The following NEIL3 variants were observed in gnomAD, a reference collection of about 807,000 sequenced individuals.
The protein encoded by NEIL3 is nei like DNA glycosylase 3, also known as endonuclease 8-like 3.
A neutral mutation model predicts 57.5 loss-of-function variants in NEIL3; 48 were observed. The ratio of observed to expected loss-of-function variants is 0.83; its 90% CI spans 0.66 to 1.06. The LOEUF (loss-of-function observed/expected upper bound fraction) is 1.06. Among genes scored for constraint, NEIL3 ranks in the 50% least tolerant of loss-of-function variants. The pLI, the probability that NEIL3 is intolerant of heterozygous loss-of-function variation, is 0.00. For synonymous variants in NEIL3, 261 were observed against 253.2 expected, an observed-to-expected ratio of 1.03 and a Z score of -0.29; for missense variants, 717 against 739.1, an observed-to-expected ratio of 0.97 and a Z score of 0.35.
chr4:177,364,901 C>A (rs1301582004), downstream of NEIL3, among the ~76,000 whole-genome samples: 6 of 149,644 alleles, frequency 4.0e-5, no homozygotes, highest in Non-Finnish European at 8.9e-5. Flanking sequence ...GCACTCCAGC[C>A]TGGTGACAGA....
intron 1 of NEIL3, among the ~76,000 whole-genome samples, chr4:177,318,604 C>A (rs1455190453): frequency 6.6e-6 from 1 of 152,138 alleles, no homozygotes; most frequent in Non-Finnish European, 1.5e-5. Context: ...CATACAAGGG[C>A]CTTTGCTCTG....
intron 2 of NEIL3, among the ~76,000 whole-genome samples, chr4:177,326,917 T>C (rs1734790728): frequency 6.6e-6 from 1 of 152,188 alleles, no homozygotes; most frequent in East Asian, 1.9e-4. Context: ...ATGATCTGGC[T>C]CTGTGTTCCC....
At chr4:177,359,442 G>T (rs754207926) in intron 8 of NEIL3, among the ~76,000 whole-genome samples, 1 of 152,104 alleles carries the variant, frequency 6.6e-6, no homozygotes, top group Non-Finnish European at 1.5e-5. Flanking sequence ...ATTTCAATTA[G>T]ATATGATGCA....
At chr4:177,347,765 A>T (rs1300301998) in intron 6 of NEIL3, among the ~76,000 whole-genome samples, 1 of 152,208 alleles carries the variant, frequency 6.6e-6, no homozygotes, top group African/African-American at 2.4e-5. Flanking sequence ...CTTATTTATG[A>T]AAAACAATAA....
Position 177,352,068 on chromosome 4 carries a change from G to A in NEIL3, c.1039+519G>A, listed in dbSNP as rs559031036. ...TTCAAAATAACTCTTTATAGCTCAC[G>A]ATTTCATGCATTTAGGGCATGTAAA... On this transcript the variant is annotated intron_variant, in intron 7 of 9. Transcript: ENST00000264596. 5.3e-5 allele frequency among the ~76,000 whole-genome samples: 8 copies of A among 152,276 alleles called. No individual in the cohort carries two copies. The East Asian group carries it at 9.6e-4, about 18-fold the overall frequency.
At chr4:177,348,968 C>T (rs1377199084) in intron 6 of NEIL3, among the ~76,000 whole-genome samples, 4 of 143,380 alleles carry the variant, frequency 2.8e-5, no homozygotes, top group Non-Finnish European at 4.5e-5. Context: ...CCCGGGTTCA[C>T]GCCATTCTCC....
At chr4:177,358,838 A>G (rs17064709) in intron 8 of NEIL3, among the ~76,000 whole-genome samples, 20,852 of 152,246 alleles carry the variant, frequency 0.14, 1,576 homozygotes, top group South Asian at 0.21. Context: ...ACCGTTATCC[A>G]AAACAGCCGC....
At chr4:177,358,252 C>T (rs949499917) in intron 8 of NEIL3, among the ~76,000 whole-genome samples, 37 of 152,080 alleles carry the variant, frequency 2.4e-4, no homozygotes, top group Non-Finnish European at 1.5e-4. Flanking sequence ...GGTCAGTGGA[C>T]CACACTCTGA....
intron 6 of NEIL3, among the ~76,000 whole-genome samples, chr4:177,348,328 C>G (rs910872519): frequency 3.3e-5 from 5 of 152,116 alleles, no homozygotes; most frequent in South Asian, 2.1e-4. Context: ...AGGTTCCCCC[C>G]CTCTACCAGG....
At chr4:177,348,829 T>C (rs1344184100) in intron 6 of NEIL3, among the ~76,000 whole-genome samples, 4 of 137,692 alleles carry the variant, frequency 2.9e-5, no homozygotes. Flanking sequence ...TGAGATAGAA[T>C]AGTAGAATTG....
At position 177,310,108 on chromosome 4, in the gene NEIL3, AG is replaced by A; in HGVS notation, c.156+1del. 1 of 1,575,914 alleles carries A rather than the reference AG, an allele frequency of 6.3e-7. No individual in the cohort carries two copies. The highest frequency in any genetic ancestry group is 1.2e-5 in the South Asian group (1 of 86,344). On this transcript the variant is annotated frameshift_variant and splice_region_variant, in exon 1 of 10. Transcript: ENST00000264596. LOFTEE classifies it high-confidence loss of function. The part of the protein sequence containing the change: ...LAASTVVVSP[Q>X]AAALNNDSSQ... ...GCCTCCACGGTTGTGGTCTCCCCGCAGGTGAGCTACTCCTGTAACAGGCCAT... is the reference window on the plus strand; with the variant it reads ...GCCTCCACGGTTGTGGTCTCCCCGCAGTGAGCTACTCCTGTAACAGGCCAT...
rs1183876797 is a variant in NEIL3, at chr4:177,360,538, C to G, written c.1496C>G (p.Thr499Ser). Residue 499 changes from threonine (T) to serine (S), a missense_variant, in exon 9 of 10, where the codon ACC (threonine) becomes AGC (serine). Thr to Ser is a moderately conservative substitution (Grantham distance 58, BLOSUM62 1). Coordinates refer to ENST00000264596, the MANE Select transcript of NEIL3 (RefSeq NM_018248.3). The stretch of plus-strand genomic sequence containing the variant: ...ATTAATATGACAGATGGCCCTCGTA[C>G]CTTAAATCCTGACAGCCCTCGCTGC... ...LQINMTDGPR[T>S]LNPDSPRCSK... The G allele has an allele frequency of 6.2e-7, 1 of 1,613,804 alleles. No homozygotes were observed. Among genetic ancestry groups the G allele is most frequent in the Non-Finnish European group, 8.5e-7 (1 of 1,179,904 alleles).
At chr4:177,341,393 G>A in intron 5 of NEIL3, 83 bp from the exon 6 acceptor site, 4 of 1,109,712 alleles carry the variant, frequency 3.6e-6, no homozygotes, top group South Asian at 1.9e-5. Flanking sequence ...GATTTTCAGA[G>A]GTGACTTTCG....
In NEIL3 at chr4:177,360,608, T is replaced by C. The variant is rs1735589586; in HGVS notation, c.1566T>C (p.Asp522=). ...GCATTCTCCGAGTTGTGGGGAAGGA[T>C]GGGGAAAACAAGGGCAGGCAGTTTT... is the stretch of plus-strand genomic sequence containing the variant. ...RLCILRVVGK[D]GENKGRQFYA... Residue 522 remains aspartate (D), a synonymous_variant, in exon 9 of 10, where the codon GAT becomes GAC. Transcript: ENST00000264596. 1 of 1,613,920 alleles carries C rather than the reference T, an allele frequency of 6.2e-7. No individual in the cohort carries two copies. The highest frequency in any genetic ancestry group is 1.3e-5 in the African/African-American group (1 of 74,932).
rs749430879 is a variant in NEIL3, at chr4:177,351,206, C to CAAAAA, written c.870-146_870-142dup. Among the ~76,000 whole-genome samples, 133 of 58,530 alleles carry CAAAAA rather than the reference C, an allele frequency of 2.3e-3. 3 individuals carry two copies. The highest frequency in any genetic ancestry group is 3.6e-3 in the African/African-American group (46 of 12,836). The allele number at this position is 58,530 out of a possible 152,430, so 38.4% of individuals were successfully genotyped here. ...ATGACAGAGCAAGACCCCATCTCTACAAAAAAAAAAAAAAAAAAAAAAAAA... is the reference window on the plus strand; with the variant it reads ...ATGACAGAGCAAGACCCCATCTCTACAAAAAAAAAAAAAAAAAAAAAAAAAAAAAA... On this transcript the variant is annotated intron_variant, in intron 6 of 9. Coordinates refer to ENST00000264596, the MANE Select transcript of NEIL3 (RefSeq NM_018248.3).
chr4:177,351,206 CAAAAAAAAAAAAAAAA>C (rs749430879), intron 6 of NEIL3, among the ~76,000 whole-genome samples, 158 bp from the exon 7 acceptor site: 3 of 58,518 alleles, frequency 5.1e-5, no homozygotes, highest in African/African-American at 1.6e-4. Context: ...CCCATCTCTA[CAAAAAAAAAAAAAAAA>C]AAAAAAAAAA....
chr4:177,351,341 CAAT>C, intron 6 of NEIL3, 36 bp from the exon 7 acceptor site: 2 of 1,394,062 alleles, frequency 1.4e-6, no homozygotes, highest in Admixed American at 1.8e-5. Flanking sequence ...AAGAACAAGG[CAAT>C]AATAACAATG....
At chr4:177,327,516 A>G (rs183676722) in intron 2 of NEIL3, among the ~76,000 whole-genome samples, 93 of 152,328 alleles carry the variant, frequency 6.1e-4, no homozygotes, top group African/African-American at 2.0e-3. Context: ...TGCTGCACCT[A>G]TCAACCTGTC....
chr4:177,316,372 G>T (rs1264434381), intron 1 of NEIL3, among the ~76,000 whole-genome samples: 2 of 152,062 alleles, frequency 1.3e-5, no homozygotes, highest in African/African-American at 2.4e-5. Flanking sequence ...TTCCCATATG[G>T]TTCATTTAAT....
Sources: gnomAD v4.1 joint callset for allele counts (sites outside exome capture counted in the v4.1 genomes callset) on GRCh38, gnomAD v4.1.1 for gene constraint, MANE v1.5 for transcripts, NCBI Gene and HGNC (gene_info 2026-07-23, HGNC 2026-07-21) for gene names.